The following PLXDC2 variants were observed in gnomAD, a reference collection of about 807,000 sequenced individuals.
PLXDC2 encodes plexin domain-containing protein 2.
A neutral mutation model predicts 68.9 loss-of-function variants in PLXDC2; 40 were observed. The observed-to-expected ratio is 0.58, with a 90% CI of 0.45 to 0.76. The LOEUF is 0.76. Among genes scored for constraint, PLXDC2 ranks in the 30% least tolerant of loss-of-function variants. The pLI is 0.00. For synonymous variants in PLXDC2, 243 were observed against 234.2 expected (o/e 1.04, Z -0.34); for missense variants, 644 against 661.9 (o/e 0.97, Z 0.30).
chr10:19,985,897 C>T (rs1035315325), intron 1 of PLXDC2, among the ~76,000 whole-genome samples: 2 of 152,182 alleles, frequency 1.3e-5, no homozygotes, highest in Non-Finnish European at 2.9e-5. Flanking sequence ...GATACGGTTT[C>T]TTCTCACCTT....
At chr10:20,181,580 A>T (rs1834605560) in intron 9 of PLXDC2, among the ~76,000 whole-genome samples, 1 of 152,038 alleles carries the variant, frequency 6.6e-6, no homozygotes, top group African/African-American at 2.4e-5. Flanking sequence ...CAGCGAAGTG[A>T]AAGCAAAGAG....
chr10:19,884,884 G>A (rs1837812964), intron 1 of PLXDC2, among the ~76,000 whole-genome samples: 1 of 152,086 alleles, frequency 6.6e-6, no homozygotes, highest in South Asian at 2.1e-4. Context: ...GGGATGGCTG[G>A]GTCAAATGGT....
chr10:20,200,276 GTGAT>G (rs1460913606), intron 9 of PLXDC2, among the ~76,000 whole-genome samples: 1 of 151,942 alleles, frequency 6.6e-6, no homozygotes, highest in African/African-American at 2.4e-5. Flanking sequence ...GGGAAAATAA[GTGAT>G]TGTACAGTTT....
chr10:19,877,507 T>G (rs1270827839), intron 1 of PLXDC2, among the ~76,000 whole-genome samples: 2 of 152,232 alleles, frequency 1.3e-5, no homozygotes, highest in Non-Finnish European at 1.5e-5. Context: ...TTGCCCATTA[T>G]GAGTAGAAAT....
chr10:19,925,919 C>T (rs953686815), intron 1 of PLXDC2, among the ~76,000 whole-genome samples: 4 of 152,196 alleles, frequency 2.6e-5, no homozygotes, highest in African/African-American at 9.7e-5. Flanking sequence ...CGGGGTTGAT[C>T]GTCTAAACTC....
At chr10:20,239,782 G>A (rs1835490925) in intron 12 of PLXDC2, among the ~76,000 whole-genome samples, 1 of 152,114 alleles carries the variant, frequency 6.6e-6, no homozygotes, top group Non-Finnish European at 1.5e-5. Context: ...AGCCACATAT[G>A]GACATCTTAG....
At chr10:19,820,508 C>T (rs1302886623) in intron 1 of PLXDC2, among the ~76,000 whole-genome samples, 1 of 151,966 alleles carries the variant, frequency 6.6e-6, no homozygotes, top group Non-Finnish European at 1.5e-5. Flanking sequence ...GTGGCGGGCG[C>T]CTGTAGTCCC....
chr10:19,922,564 G>T (rs1284354140), intron 1 of PLXDC2, among the ~76,000 whole-genome samples: 2 of 152,112 alleles, frequency 1.3e-5, no homozygotes, highest in Non-Finnish European at 2.9e-5. Context: ...GGCTTCATTT[G>T]TGACCAGTAC....
rs1836219888 is a variant in PLXDC2, at chr10:20,066,831, A to G, written c.472-1339A>G. Among the ~76,000 whole-genome samples, 4 of 152,316 alleles carry G rather than the reference A, an allele frequency of 2.6e-5. No individual in the cohort carries two copies. The South Asian group carries it at 8.3e-4, about 32-fold the overall frequency. On this transcript the variant is annotated intron_variant, in intron 3 of 13. Coordinates refer to ENST00000377252, the MANE Select transcript of PLXDC2 (RefSeq NM_032812.9). ...AATCTAGATATACTTTTCTACATTA[A>G]AAATTTGTGTATTGGGAGAGATATA... is the stretch of plus-strand genomic sequence containing the variant.
chr10:19,880,278 A>T (rs193204950), intron 1 of PLXDC2, among the ~76,000 whole-genome samples: 1 of 152,214 alleles, frequency 6.6e-6, no homozygotes, highest in African/African-American at 2.4e-5. Flanking sequence ...TCCCTAATCC[A>T]TGGGGCATAT....
chr10:20,016,255 A>C (rs998047670), intron 2 of PLXDC2, among the ~76,000 whole-genome samples: 4 of 151,960 alleles, frequency 2.6e-5, no homozygotes, highest in Non-Finnish European at 1.5e-5. Context: ...TAGGGAAAGT[A>C]GTGTTTAACT....
intron 10 of PLXDC2, 152 bp from the exon 11 acceptor site, chr10:20,217,274 C>G (rs1588523442): frequency 1.8e-6 from 1 of 561,606 alleles, no homozygotes; most frequent in East Asian, 3.3e-5. Context: ...CATAAATTAG[C>G]AAAATCATTA....
rs769468334 is a variant in PLXDC2 at position 20,279,749 on chromosome 10, G to A, written c.1520G>A (p.Gly507Glu). The A allele has an allele frequency of 6.2e-7, 1 of 1,613,968 alleles. No homozygotes were observed. The highest frequency in any genetic ancestry group is 8.5e-7 in the Non-Finnish European group (1 of 1,179,936). The change falls in exon 14 of 14, where the codon GGA becomes GAA. Residue 507 changes from glycine (G) to glutamate (E), a missense_variant. By Grantham distance (98) the Gly-to-Glu change is moderately conservative (BLOSUM62 -2). Around this residue, in one of 3 missense-constraint regions of PLXDC2, gnomAD observed 330 missense variants for 327.9 expected, o/e 1.01. Transcript: ENST00000377252. ...GCGATGAAGTTTAGAAGAGGCTCTG[G>A]ACATCCTGCCTATGCTGAAGTTGAA... is the stretch of plus-strand genomic sequence containing the variant. The part of the protein sequence containing the change: ...WPAMKFRRGS[G>E]HPAYAEVEPV...
At position 20,190,598 on chromosome 10, in the gene PLXDC2, A is replaced by AATAT. The variant is rs67612054; in HGVS notation, c.1061+13207_1061+13210dup. On this transcript the variant is annotated intron_variant, in intron 9 of 13. Coordinates refer to ENST00000377252, the MANE Select transcript of PLXDC2 (RefSeq NM_032812.9). The stretch of plus-strand genomic sequence containing the variant: ...GTACCCTAGAACTTAAAGTGTAATA[A>AATAT]ATATATATATATATATATATAAACT... Among the ~76,000 whole-genome samples, 1,134 of 148,520 alleles carry AATAT rather than the reference A, an allele frequency of 7.6e-3. 20 individuals carry two copies. Among genetic ancestry groups the AATAT allele is most frequent in the African/African-American group, 0.026 (1,060 of 40,560 alleles).
intron 1 of PLXDC2, among the ~76,000 whole-genome samples, chr10:19,907,611 T>C (rs1040469385): frequency 1.3e-5 from 2 of 152,230 alleles, no homozygotes; most frequent in Admixed American, 6.5e-5. Flanking sequence ...TACCTTATTA[T>C]ATTAGCTTTC....
chr10:20,285,484 A>T lies in PLXDC2; in HGVS notation c.*5665A>T, dbSNP rs908296929. 1 of 152,192 alleles carries T rather than the reference A, an allele frequency of 6.6e-6. No homozygotes were observed. Among genetic ancestry groups the T allele is most frequent in the Non-Finnish European group, 1.5e-5 (1 of 68,030 alleles). 9.4% of individuals were successfully genotyped at this position (152,192 alleles called of 1,614,324 possible). On this transcript the variant is annotated 3_prime_UTR_variant, in exon 14 of 14. Coordinates refer to ENST00000377252, the MANE Select transcript of PLXDC2 (RefSeq NM_032812.9). ...TATCAATTTTCAACTCCAATTTTCT[A>T]TTCTACTTAAAATGGGAACTAGAAA...
chr10:20,229,536 A>G (rs1460791602), intron 12 of PLXDC2, among the ~76,000 whole-genome samples: 1 of 151,368 alleles, frequency 6.6e-6, no homozygotes, highest in East Asian at 1.9e-4. Flanking sequence ...AAAAAAAAAA[A>G]AGGAATTGAT....
At position 20,289,005 on chromosome 10, in the gene PLXDC2, A is replaced by C. The variant is rs1221870483; in HGVS notation, c.*9186A>C. 1 of 152,204 alleles carries C rather than the reference A, an allele frequency of 6.6e-6. No individual in the cohort carries two copies. The highest frequency in any genetic ancestry group is 1.9e-4 in the East Asian group (1 of 5,204). 9.4% of individuals were successfully genotyped at this position (152,204 alleles called of 1,614,324 possible). A position where few individuals can be genotyped will look rare whatever the true frequency, so the allele number is the denominator to read the frequency against. ...GCTATTTGTGTAAGACTGCTGTCAT[A>C]TTTGACTACATATTAAAAACAGTAA... On this transcript the variant is annotated 3_prime_UTR_variant, in exon 14 of 14. Transcript: ENST00000377252.
chr10:19,976,637 T>G (rs1834460871), intron 1 of PLXDC2, among the ~76,000 whole-genome samples: 1 of 152,204 alleles, frequency 6.6e-6, no homozygotes, highest in Non-Finnish European at 1.5e-5. Flanking sequence ...GGTATAATTC[T>G]TTCATTGCAG....
Sources: allele counts gnomAD v4.1 joint callset (sites outside exome capture counted in the v4.1 genomes callset), GRCh38; gene constraint gnomAD v4.1.1; regional missense constraint gnomAD v4.1.1; transcripts MANE v1.5; gene names NCBI Gene and HGNC (gene_info 2026-07-23, HGNC 2026-07-21).